The following LIPA variants were observed in gnomAD, a reference collection of about 807,000 sequenced individuals.
LIPA encodes the protein lysosomal acid lipase/cholesteryl ester hydrolase.
Under a neutral mutation model 40.6 loss-of-function variants are expected in LIPA, and 26 were observed. The observed-to-expected ratio is 0.64, with a 90% CI of 0.47 to 0.89. The LOEUF is 0.89. LIPA is among the 40% of genes least tolerant of loss of function. The probability of loss-of-function intolerance (pLI) is 0.00; values close to 1 mark genes in which losing one functional copy is unlikely to be tolerated. For synonymous variants in LIPA, 188 were observed against 168.4 expected (o/e 1.12, Z -0.90); for missense variants, 455 against 479.6 (o/e 0.95, Z 0.48).
chr10:89,390,738 A>C (rs1053054411), intron 2 of LIPA, among the ~76,000 whole-genome samples: 1 of 152,192 alleles, frequency 6.6e-6, no homozygotes, highest in Admixed American at 6.5e-5. Flanking sequence ...CCTGGGCCAT[A>C]GCCCCGTAGA....
intron 1 of LIPA, among the ~76,000 whole-genome samples, chr10:89,281,942 T>C (rs1843318366): frequency 6.6e-6 from 1 of 152,232 alleles, no homozygotes; most frequent in African/African-American, 2.4e-5. Flanking sequence ...TCCATCAGAA[T>C]AAACAGTTAT....
At chr10:89,286,189 C>A (rs1331682156) in intron 1 of LIPA, among the ~76,000 whole-genome samples, 1 of 151,976 alleles carries the variant, frequency 6.6e-6, no homozygotes, top group Non-Finnish European at 1.5e-5. Context: ...GTCCCTCGTC[C>A]CTCCCTAATC....
intron 1 of LIPA, among the ~76,000 whole-genome samples, chr10:89,298,357 G>T (rs1181485723): frequency 6.6e-6 from 1 of 152,134 alleles, no homozygotes; most frequent in Non-Finnish European, 1.5e-5. Flanking sequence ...AAAATGTCAC[G>T]ATAGCCTCCA....
chr10:89,323,693 A>T (rs949918444), intron 1 of LIPA, among the ~76,000 whole-genome samples: 1 of 152,198 alleles, frequency 6.6e-6, no homozygotes, highest in Admixed American at 6.5e-5. Flanking sequence ...CAATAGCCAC[A>T]AAAAGAATAA....
rs186827314 is a variant in LIPA at position 89,407,461 on chromosome 10, C to A, written c.61+5330G>T. Among the ~76,000 whole-genome samples the A allele has an allele frequency of 3.6e-4, 55 of 152,296 alleles. No homozygotes were observed. The East Asian group carries it at 8.1e-3, about 22-fold the overall frequency. On this transcript the variant is annotated intron_variant, in intron 2 of 8. Transcript: ENST00000371837. The stretch of plus-strand genomic sequence containing the variant: ...CAATGAGAAAGACATAATTTTTGCC[C>A]AAAGCCCCATCGTATGGGGGACTAT...
chr10:89,403,075 T>G (rs745974961), intron 2 of LIPA: 1 of 1,614,238 alleles, frequency 6.2e-7, no homozygotes, highest in Admixed American at 1.7e-5. Flanking sequence ...AAAGGCTCTG[T>G]GGATAAAGCT....
chr10:89,384,860 G>C, intron 2 of LIPA: 1 of 870,546 alleles, frequency 1.1e-6, no homozygotes, highest in Non-Finnish European at 1.8e-6. Context: ...GAGGAATGTG[G>C]CTGTGTGGCC....
At chr10:89,323,606 C>A (rs572161950) in intron 1 of LIPA, among the ~76,000 whole-genome samples, 1 of 152,172 alleles carries the variant, frequency 6.6e-6, no homozygotes, top group East Asian at 1.9e-4. Flanking sequence ...ACAAAATCAA[C>A]ATACAAAAAT....
At chr10:89,318,283 A>G (rs1271547909) in intron 1 of LIPA, among the ~76,000 whole-genome samples, 2 of 152,246 alleles carry the variant, frequency 1.3e-5, no homozygotes, top group African/African-American at 4.8e-5. Flanking sequence ...AATTGGCTAA[A>G]GAGTCAAGAA....
At chr10:89,332,544 G>A in intron 1 of LIPA, 1 of 1,613,408 alleles carries the variant, frequency 6.2e-7, no homozygotes. Flanking sequence ...AACCTCTTCA[G>A]CATTTGCTTG....
intron 3 of LIPA, among the ~76,000 whole-genome samples, chr10:89,238,652 A>T (rs1037440401): frequency 6.6e-6 from 1 of 152,186 alleles, no homozygotes; most frequent in Admixed American, 6.5e-5. Flanking sequence ...CTGTTCCAAC[A>T]TAAGAATGAA....
intron 1 of LIPA, among the ~76,000 whole-genome samples, chr10:89,295,513 G>A (rs1350428801): frequency 6.6e-6 from 1 of 152,030 alleles, no homozygotes; most frequent in Non-Finnish European, 1.5e-5. Context: ...TAGATTTCTG[G>A]GTCCCACACT....
intron 1 of LIPA, among the ~76,000 whole-genome samples, chr10:89,263,617 G>A (rs190598808): frequency 6.6e-6 from 1 of 152,326 alleles, no homozygotes; most frequent in African/African-American, 2.4e-5. Flanking sequence ...AAGAAGTACT[G>A]ATAGCATATG....
chr10:89,366,544 C>T (rs546507609), intron 2 of LIPA, among the ~76,000 whole-genome samples: 1 of 152,252 alleles, frequency 6.6e-6, no homozygotes, highest in Non-Finnish European at 1.5e-5. Flanking sequence ...CAAAAGAAGA[C>T]ATTTATGCAG....
intron 1 of LIPA, among the ~76,000 whole-genome samples, chr10:89,315,913 C>G (rs928546401): frequency 1.3e-5 from 2 of 152,044 alleles, no homozygotes; most frequent in African/African-American, 4.8e-5. Context: ...CTGGACAAAA[C>G]TACTATTTTT....
upstream of LIPA, among the ~76,000 whole-genome samples, chr10:89,346,235 A>G (rs1230718706): frequency 6.6e-6 from 1 of 152,196 alleles, no homozygotes; most frequent in Non-Finnish European, 1.5e-5. Flanking sequence ...GAATTCCCAT[A>G]TACCCTTTAC....
intron 1 of LIPA, among the ~76,000 whole-genome samples, chr10:89,263,326 A>G (rs1181587867): frequency 6.6e-6 from 1 of 152,222 alleles, no homozygotes; most frequent in Non-Finnish European, 1.5e-5. Context: ...TGTTAGTGGT[A>G]TTGGACTTTA....
intron 1 of LIPA, among the ~76,000 whole-genome samples, chr10:89,413,782 AC>A (rs55907358): frequency 0.25 from 35,304 of 142,188 alleles, 4,353 homozygotes; most frequent in African/African-American, 0.3. Context: ...AAAAAAAAAA[AC>A]CAAAATCAAT....
intron 2 of LIPA, among the ~76,000 whole-genome samples, chr10:89,410,793 G>A (rs948226258): frequency 6.6e-6 from 1 of 152,196 alleles, no homozygotes; most frequent in African/African-American, 2.4e-5. Context: ...ACCCAAGGAG[G>A]TGGCAGTCTT....
Sources: gnomAD v4.1 joint callset for allele counts (sites outside exome capture counted in the v4.1 genomes callset) on GRCh38, gnomAD v4.1.1 for gene constraint, MANE v1.5 for transcripts, NCBI Gene and HGNC (gene_info 2026-07-23, HGNC 2026-07-21) for gene names.